Variants in LATS1 observed in about 807,000 individuals in gnomAD.
LATS1 encodes serine/threonine-protein kinase LATS1.
Under a neutral mutation model 106.6 loss-of-function variants are expected in LATS1, and 25 were observed. The observed-to-expected ratio is 0.23, with a 90% CI of 0.17 to 0.33. The LOEUF is 0.33. Among genes scored for constraint, LATS1 ranks in the 10% least tolerant of loss-of-function variants. LATS1 has a pLI of 1.00. For missense variants in LATS1, 1,040 were observed against 1,382.6 expected (o/e 0.75, Z 3.93); for synonymous variants, 465 against 455.6 (o/e 1.02, Z -0.26).
Position 149,717,978 on chromosome 6 carries a change from G to A in LATS1, c.-270C>T. ...GAGCGGGGAGACGAACGGGGGGGCT[G>A]CCGCGGGCCAGCGCGGCCCGTCCCA... On this transcript the variant is annotated 5_prime_UTR_variant, in exon 1 of 8. Coordinates refer to ENST00000543571, the MANE Select transcript of LATS1 (RefSeq NM_004690.4). The A allele has an allele frequency of 2.7e-6, 1 of 365,318 alleles. No individual in the cohort carries two copies. The highest frequency in any genetic ancestry group is 5.3e-6 in the Non-Finnish European group (1 of 189,590). 22.6% of individuals were successfully genotyped at this position (365,318 alleles called of 1,614,324 possible).
intron 1 of LATS1, among the ~76,000 whole-genome samples, chr6:149,717,453 G>C (rs1784464989): frequency 6.6e-6 from 1 of 152,144 alleles, no homozygotes; most frequent in Non-Finnish European, 1.5e-5. Flanking sequence ...AGGCCCTCTG[G>C]GATCCAAAGA....
chr6:149,709,186 T>C (rs1783952588), intron 1 of LATS1, among the ~76,000 whole-genome samples: 1 of 152,174 alleles, frequency 6.6e-6, no homozygotes, highest in East Asian at 1.9e-4. Flanking sequence ...AAGCGGAGTT[T>C]GGCCATACCT....
intron 2 of LATS1, among the ~76,000 whole-genome samples, chr6:149,699,348 G>A (rs951334946): frequency 1.3e-5 from 2 of 152,130 alleles, no homozygotes; most frequent in African/African-American, 4.8e-5. Context: ...CCACCTCACA[G>A]TCTGGGAAGT....
chr6:149,687,135 G>C (rs1386834729), intron 3 of LATS1, among the ~76,000 whole-genome samples: 1 of 150,830 alleles, frequency 6.6e-6, no homozygotes. Flanking sequence ...CTGTCGCCCA[G>C]GCTGGAGCGC....
In LATS1 at chr6:149,699,487, T is replaced by A. The variant is rs867820995; in HGVS notation, c.348+2292A>T. Among the ~76,000 whole-genome samples, 382 of 151,272 alleles carry A rather than the reference T, an allele frequency of 2.5e-3. 1 individual carries two copies. Among genetic ancestry groups the A allele is most frequent in the African/African-American group, 7.7e-3 (319 of 41,180 alleles). On this transcript the variant is annotated intron_variant, in intron 2 of 7. Transcript: ENST00000543571. ...TTTACTTTTTAATAAAAAAAAAAAATAAAATAAATAAATAACACCATACTT... is the reference window on the plus strand; with the variant it reads ...TTTACTTTTTAATAAAAAAAAAAAAAAAAATAAATAAATAACACCATACTT...
chr6:149,662,357 A>T, intron 7 of LATS1, 119 bp from the exon 8 acceptor site: 1 of 906,308 alleles, frequency 1.1e-6, no homozygotes, highest in Non-Finnish European at 1.6e-6. Flanking sequence ...ATTACATGAT[A>T]TTTTGCTGGA....
intron 1 of LATS1, among the ~76,000 whole-genome samples, chr6:149,707,474 T>A (rs1283957476): frequency 6.6e-6 from 1 of 152,152 alleles, no homozygotes; most frequent in Non-Finnish European, 1.5e-5. Flanking sequence ...CCCAAATTTA[T>A]CTTATCTTAC....
At chr6:149,713,388 G>A (rs1452299566) in intron 1 of LATS1, among the ~76,000 whole-genome samples, 4 of 151,308 alleles carry the variant, frequency 2.6e-5, no homozygotes, top group South Asian at 2.1e-4. Flanking sequence ...TCTGCCTCCC[G>A]GGTTCAAGCA....
chr6:149,712,399 T>C (rs367944012), intron 1 of LATS1, among the ~76,000 whole-genome samples: 3 of 152,268 alleles, frequency 2.0e-5, no homozygotes, highest in Admixed American at 6.5e-5. Context: ...AGTTTCTCCA[T>C]GTTGGTCAGG....
intron 1 of LATS1, among the ~76,000 whole-genome samples, chr6:149,709,170 G>C (rs1377207192): frequency 1.3e-5 from 2 of 152,180 alleles, no homozygotes; most frequent in South Asian, 2.1e-4. Context: ...TTCCAGCCAT[G>C]ATGGGAAGCG....
chr6:149,709,285 T>C (rs1193396166), intron 1 of LATS1, among the ~76,000 whole-genome samples: 2 of 152,178 alleles, frequency 1.3e-5, no homozygotes, highest in African/African-American at 4.8e-5. Flanking sequence ...ACAGACTCTC[T>C]GTAGCAATAA....
chr6:149,669,052 G>A (rs1781310952), intron 7 of LATS1, among the ~76,000 whole-genome samples: 1 of 151,866 alleles, frequency 6.6e-6, no homozygotes, highest in South Asian at 2.1e-4. Flanking sequence ...CAAACTCCTG[G>A]GTTCCAGTGT....
intron 1 of LATS1, among the ~76,000 whole-genome samples, chr6:149,703,967 A>G (rs1783608173): frequency 6.6e-6 from 1 of 152,212 alleles, no homozygotes; most frequent in Admixed American, 6.5e-5. Flanking sequence ...AATTCATAGT[A>G]CATTTATATA....
intron 2 of LATS1, among the ~76,000 whole-genome samples, chr6:149,697,740 CTTTTT>C (rs369289215): frequency 1.3e-5 from 2 of 151,692 alleles, no homozygotes; most frequent in Non-Finnish European, 2.9e-5. Flanking sequence ...TTTTTCTTTT[CTTTTT>C]TTTGTTTTTG....
chr6:149,699,832 T>C (rs987878254), intron 2 of LATS1, among the ~76,000 whole-genome samples: 3 of 152,218 alleles, frequency 2.0e-5, no homozygotes, highest in African/African-American at 7.2e-5. Context: ...CATAAATACA[T>C]ATTACTGGGT....
At chr6:149,680,959 T>C (rs1277861116) in intron 4 of LATS1, among the ~76,000 whole-genome samples, 1 of 152,130 alleles carries the variant, frequency 6.6e-6, no homozygotes, top group Non-Finnish European at 1.5e-5. Flanking sequence ...CAATGCCTTT[T>C]CTAACCCACC....
chr6:149,677,037 C>T (rs939963223), intron 5 of LATS1, among the ~76,000 whole-genome samples: 1 of 152,170 alleles, frequency 6.6e-6, no homozygotes, highest in African/African-American at 2.4e-5. Flanking sequence ...TAGCCCACTC[C>T]CTGTTACTAC....
intron 7 of LATS1, among the ~76,000 whole-genome samples, chr6:149,663,493 C>T (rs530349578): frequency 6.6e-6 from 1 of 152,180 alleles, no homozygotes; most frequent in African/African-American, 2.4e-5. Context: ...GAAAAAAAAT[C>T]TTCAACTTGT....
intron 7 of LATS1, among the ~76,000 whole-genome samples, chr6:149,667,438 C>CAAAAAAAAA (rs1189854950): frequency 1.5e-4 from 5 of 33,976 alleles, no homozygotes; most frequent in African/African-American, 6.4e-4. Flanking sequence ...GACTGTATCT[C>CAAAAAAAAA]AAAAAAAAAA....
Sources: allele counts gnomAD v4.1 joint callset (sites outside exome capture counted in the v4.1 genomes callset), GRCh38; gene constraint gnomAD v4.1.1; transcripts MANE v1.5; gene names NCBI Gene and HGNC (gene_info 2026-07-23, HGNC 2026-07-21).